The following FBXL7 variants were observed in gnomAD, a reference collection of about 807,000 sequenced individuals.
FBXL7 encodes F-box and leucine rich repeat protein 7.
FBXL7 carries 12 observed loss-of-function variants against 38.3 expected under a neutral mutation model. The observed-to-expected ratio is 0.31, with a 90% CI of 0.20 to 0.51. The LOEUF (loss-of-function observed/expected upper bound fraction) is 0.51. Ranked by LOEUF, FBXL7 falls within the 20% of genes least tolerant of loss-of-function variation. The pLI, the probability that FBXL7 is intolerant of heterozygous loss-of-function variation, is 0.98. For synonymous variants in FBXL7, 297 were observed against 300.9 expected (o/e 0.99, Z 0.13); for missense variants, 567 against 676.4 (o/e 0.84, Z 1.79).
In FBXL7 at chr5:15,736,802, G is replaced by A. The variant is rs970785619; in HGVS notation, c.127+120730G>A. On this transcript the variant is annotated intron_variant, in intron 2 of 3. Coordinates refer to ENST00000504595, the MANE Select transcript of FBXL7 (RefSeq NM_012304.5). ...GGAGGAGGCCACTTGATACGCTGCTGTCTGATGGGATATAGACAGGAGTTC... is the reference window on the plus strand; with the variant it reads ...GGAGGAGGCCACTTGATACGCTGCTATCTGATGGGATATAGACAGGAGTTC... Among the ~76,000 whole-genome samples, 8 of 152,290 alleles carry A rather than the reference G, an allele frequency of 5.3e-5. No individual in the cohort carries two copies. The East Asian group carries it at 1.5e-3, about 29-fold the overall frequency.
intron 2 of FBXL7, among the ~76,000 whole-genome samples, chr5:15,677,028 G>A (rs989867363): frequency 7.9e-5 from 12 of 152,144 alleles, no homozygotes; most frequent in African/African-American, 2.9e-4. Flanking sequence ...TGGTAAAAAT[G>A]GAAATACAAA....
intron 2 of FBXL7, among the ~76,000 whole-genome samples, chr5:15,764,426 A>G (rs1292408734): frequency 2.0e-5 from 3 of 152,244 alleles, no homozygotes; most frequent in Non-Finnish European, 4.4e-5. Context: ...TAAGCATTGT[A>G]GAAGTGAACA....
chr5:15,901,971 T>A (rs951242455), intron 2 of FBXL7, among the ~76,000 whole-genome samples: 18 of 152,198 alleles, frequency 1.2e-4, no homozygotes, highest in Admixed American at 5.2e-4. Flanking sequence ...GCAAAAGTGA[T>A]GTGATGATTA....
chr5:15,696,701 T>C (rs1195925505), intron 2 of FBXL7, among the ~76,000 whole-genome samples: 1 of 152,214 alleles, frequency 6.6e-6, no homozygotes, highest in African/African-American at 2.4e-5. Flanking sequence ...GGCAGACTTT[T>C]CTTTTCAAAA....
intron 1 of FBXL7, among the ~76,000 whole-genome samples, chr5:15,523,802 G>C (rs1478702157): frequency 6.6e-6 from 1 of 152,172 alleles, no homozygotes; most frequent in Non-Finnish European, 1.5e-5. Context: ...ACATCCTCTT[G>C]CCCCAGATGG....
intron 2 of FBXL7, among the ~76,000 whole-genome samples, chr5:15,880,454 A>G (rs1489675967): frequency 1.3e-5 from 2 of 152,210 alleles, no homozygotes; most frequent in African/African-American, 4.8e-5. Context: ...TACTCTGTGA[A>G]CAGGTGCCCA....
intron 2 of FBXL7, among the ~76,000 whole-genome samples, chr5:15,812,992 C>A (rs577644366): frequency 7.9e-5 from 12 of 152,174 alleles, no homozygotes; most frequent in Non-Finnish European, 5.9e-5. Flanking sequence ...TATCCTGAGA[C>A]TTTACTGAAG....
intron 1 of FBXL7, among the ~76,000 whole-genome samples, chr5:15,565,498 G>GAT (rs1246202897): frequency 4.7e-5 from 7 of 150,334 alleles, no homozygotes; most frequent in Non-Finnish European, 7.4e-5. Flanking sequence ...ATAAAACTAG[G>GAT]ATATATATAA....
At chr5:15,745,499 G>A (rs1262878510) in intron 2 of FBXL7, among the ~76,000 whole-genome samples, 1 of 152,156 alleles carries the variant, frequency 6.6e-6, no homozygotes, top group African/African-American at 2.4e-5. Flanking sequence ...TTATATTATG[G>A]TGTTAATTAG....
At chr5:15,790,838 T>C (rs1737254725) in intron 2 of FBXL7, among the ~76,000 whole-genome samples, 1 of 151,228 alleles carries the variant, frequency 6.6e-6, no homozygotes, top group Non-Finnish European at 1.5e-5. Flanking sequence ...GGACTCAAGA[T>C]GTTAATGAGC....
At position 15,528,176 on chromosome 5, in the gene FBXL7, G is replaced by A. The variant is rs973129888; in HGVS notation, c.37+27463G>A. Among the ~76,000 whole-genome samples, 6 of 152,278 alleles carry A rather than the reference G, an allele frequency of 3.9e-5. No individual in the cohort carries two copies. In the East Asian group the frequency reaches 1.2e-3, roughly 29 times the overall value. The stretch of plus-strand genomic sequence containing the variant: ...GCATAGCAGACATTGGATAGGAAGA[G>A]TATCGGGGACCCTCCCTAATCTACT... On this transcript the variant is annotated intron_variant, in intron 1 of 3. Transcript: ENST00000504595.
At chr5:15,752,540 G>T (rs368967175) in intron 2 of FBXL7, among the ~76,000 whole-genome samples, 54 of 152,162 alleles carry the variant, frequency 3.5e-4, no homozygotes, top group African/African-American at 1.2e-3. Flanking sequence ...CAAGCCATTG[G>T]ATTTCTCTGA....
intron 1 of FBXL7, among the ~76,000 whole-genome samples, chr5:15,603,207 G>A (rs1739861440): frequency 6.6e-6 from 1 of 151,970 alleles, no homozygotes. Flanking sequence ...TATGAACTGT[G>A]TCTTGTTTTT....
chr5:15,825,416 A>G (rs1293427594), intron 2 of FBXL7, among the ~76,000 whole-genome samples: 1 of 152,194 alleles, frequency 6.6e-6, no homozygotes, highest in East Asian at 1.9e-4. Context: ...TAAGGTCTCA[A>G]TTCATTAAAA....
chr5:15,615,030 G>C (rs531680099), intron 1 of FBXL7, among the ~76,000 whole-genome samples: 1 of 152,146 alleles, frequency 6.6e-6, no homozygotes, highest in East Asian at 1.9e-4. Flanking sequence ...CACTCTCAAG[G>C]GGGAGGAGAT....
chr5:15,924,743 C>T (rs1268331591), intron 2 of FBXL7, among the ~76,000 whole-genome samples: 1 of 151,818 alleles, frequency 6.6e-6, no homozygotes, highest in African/African-American at 2.4e-5. Context: ...TCACGTGCCT[C>T]ACCCTCCTGA....
chr5:15,681,222 C>T (rs1220000017), intron 2 of FBXL7, among the ~76,000 whole-genome samples: 1 of 152,164 alleles, frequency 6.6e-6, no homozygotes, highest in Non-Finnish European at 1.5e-5. Flanking sequence ...GTGAGGAATT[C>T]ATCCAAAGTG....
intron 2 of FBXL7, among the ~76,000 whole-genome samples, chr5:15,632,524 G>A (rs1024439962): frequency 1.3e-5 from 2 of 152,086 alleles, no homozygotes; most frequent in South Asian, 2.1e-4. Flanking sequence ...CCATTACTGA[G>A]TATATATCCA....
At chr5:15,642,380 A>C (rs1580428823) in intron 2 of FBXL7, among the ~76,000 whole-genome samples, 1 of 152,204 alleles carries the variant, frequency 6.6e-6, no homozygotes, top group African/African-American at 2.4e-5. Flanking sequence ...GCAATTTCCA[A>C]GGGTCCCAGA....
Sources: allele counts gnomAD v4.1 joint callset (sites outside exome capture counted in the v4.1 genomes callset), GRCh38; gene constraint gnomAD v4.1.1; transcripts MANE v1.5; gene names NCBI Gene and HGNC (gene_info 2026-07-23, HGNC 2026-07-21).